DNAI3: variants seen among roughly 807,000 people sequenced by gnomAD.
The protein encoded by DNAI3 is dynein axonemal intermediate chain 3, also known as WD repeat domain 63.
DNAI3 carries 83 observed loss-of-function variants against 115.5 expected under a neutral mutation model. That is an observed-to-expected ratio of 0.72 (90% CI 0.60 to 0.86). The LOEUF is 0.86. Among genes scored for constraint, DNAI3 ranks in the 40% least tolerant of loss-of-function variants. DNAI3 has a pLI of 0.00. For missense variants in DNAI3, 1,004 were observed against 1,075.8 expected (o/e 0.93, Z 0.93); for synonymous variants, 320 against 347.0 (o/e 0.92, Z 0.86).
intron 22 of DNAI3, 196 bp downstream of exon 22, chr1:85,130,308 T>A: frequency 1.4e-6 from 1 of 733,128 alleles, no homozygotes; most frequent in Non-Finnish European, 2.1e-6. Context: ...TCTGTCCAAT[T>A]TAAGTTTCTG....
chr1:85,082,464 G>A, intron 5 of DNAI3, 60 bp downstream of exon 5: 4 of 1,353,114 alleles, frequency 3.0e-6, no homozygotes, highest in Non-Finnish European at 4.2e-6. Context: ...GGTTGTTTTT[G>A]AGATAGGCTC....
At chr1:85,132,711 G>T in intron 22 of DNAI3, 144 bp from the exon 23 acceptor site, 1 of 919,902 alleles carries the variant, frequency 1.1e-6, no homozygotes, top group Non-Finnish European at 1.6e-6. Context: ...CTGCCCACCT[G>T]CCCTCCTGCC....
intron 16 of DNAI3, among the ~76,000 whole-genome samples, chr1:85,111,010 T>C (rs2100600553): frequency 6.6e-6 from 1 of 152,350 alleles, no homozygotes; most frequent in African/African-American, 2.4e-5. Flanking sequence ...AAGGTATGCA[T>C]GAATATCCCA....
rs1655603803 is a variant in DNAI3, at chr1:85,110,008, G to C, written c.1699-40G>C. On this transcript the variant is annotated intron_variant, in intron 15 of 22. Coordinates refer to ENST00000294664, the MANE Select transcript of DNAI3 (RefSeq NM_145172.5). Reference sequence around the variant, plus strand: ...ATAAATTACCCAAGGATAATTTCAGGATATGTGGAAATAATCTTTGCTATA... The same window carrying C: ...ATAAATTACCCAAGGATAATTTCAGCATATGTGGAAATAATCTTTGCTATA... The C allele has an allele frequency of 1.9e-6, 3 of 1,573,528 alleles. No homozygotes were observed. In the East Asian group the frequency reaches 6.7e-5, roughly 35 times the overall value.
Position 85,132,977 on chromosome 1 carries a change from G to T in DNAI3, c.2655G>T (p.Gly885=), listed in dbSNP as rs771056432. 5 of 1,613,040 alleles carry T rather than the reference G, an allele frequency of 3.1e-6. No homozygotes were observed. In the African/African-American group the frequency reaches 6.7e-5, roughly 22 times the overall value. Residue 885 remains glycine, a synonymous_variant, in exon 23 of 23, where the codon GGG becomes GGT. Transcript: ENST00000294664. ...NLGLIKVTEK[G]SYMEVM ...GCCTAATCAAAGTCACAGAGAAGGG[G>T]TCATACATGGAGGTGATGTAAAAAA...
At chr1:85,127,582 C>T (rs1244964797) in intron 20 of DNAI3, among the ~76,000 whole-genome samples, 2 of 152,058 alleles carry the variant, frequency 1.3e-5, no homozygotes, top group African/African-American at 2.4e-5. Context: ...CAAAGGTGTA[C>T]AGCATGAAAT....
Position 85,082,340 on chromosome 1 carries a change from A to T in DNAI3, c.326A>T (p.Asp109Val), listed in dbSNP as rs748616259. 1 of 1,613,922 alleles carries T rather than the reference A, an allele frequency of 6.2e-7. No individual in the cohort carries two copies. The highest frequency in any genetic ancestry group is 1.1e-5 in the South Asian group (1 of 91,032). Residue 109 changes from aspartate to valine, a missense_variant, in exon 5 of 23, where the codon GAC becomes GTC. Asp to Val is a radical substitution (Grantham distance 152). Coordinates refer to ENST00000294664, the MANE Select transcript of DNAI3 (RefSeq NM_145172.5). The stretch of plus-strand genomic sequence containing the variant: ...GAGCTTCTGCTTGTTTATGACAAAG[A>T]CTTCAAATATGGACTTAACTTTTAT... The part of the protein sequence containing the change: ...GNELLLVYDK[D>V]FKYGLNFYLI...
intron 1 of DNAI3, among the ~76,000 whole-genome samples, chr1:85,069,672 G>A (rs912367575): frequency 3.9e-5 from 6 of 151,938 alleles, no homozygotes; most frequent in African/African-American, 9.7e-5. Context: ...AGCCATGAGC[G>A]TGCCACATAC....
At chr1:85,071,710 T>A (rs1189945303) in intron 1 of DNAI3, among the ~76,000 whole-genome samples, 1 of 152,206 alleles carries the variant, frequency 6.6e-6, no homozygotes, top group East Asian at 1.9e-4. Context: ...TTCAGCTAAA[T>A]GGCTCCACCA....
chr1:85,101,633 C>T (rs991242006), intron 13 of DNAI3, among the ~76,000 whole-genome samples: 1 of 134,278 alleles, frequency 7.4e-6, no homozygotes, highest in African/African-American at 2.8e-5. Flanking sequence ...GAGGCTGAGG[C>T]GGGAGAATGG....
intron 13 of DNAI3, among the ~76,000 whole-genome samples, chr1:85,101,504 C>A (rs1655310412): frequency 6.6e-6 from 1 of 151,952 alleles, no homozygotes; most frequent in African/African-American, 2.4e-5. Flanking sequence ...GCGGGCAGAT[C>A]ACGAGGTCAG....
intron 19 of DNAI3, among the ~76,000 whole-genome samples, chr1:85,126,120 T>G (rs922612179): frequency 6.6e-6 from 1 of 152,188 alleles, no homozygotes; most frequent in Non-Finnish European, 1.5e-5. Context: ...GCTGTTTCCA[T>G]GGGAAGCAGA....
At chr1:85,108,296 C>G in intron 15 of DNAI3, 119 bp downstream of exon 15, 3 of 1,119,172 alleles carry the variant, frequency 2.7e-6, no homozygotes, top group Non-Finnish European at 3.6e-6. Flanking sequence ...TAACACAAGA[C>G]TGTACAATTT....
chr1:85,089,255 A>G (rs1488912818), intron 7 of DNAI3, among the ~76,000 whole-genome samples: 1 of 151,778 alleles, frequency 6.6e-6, no homozygotes, highest in East Asian at 1.9e-4. Flanking sequence ...AAGGTTAGAT[A>G]ATTGGCTCAG....
intron 2 of DNAI3, among the ~76,000 whole-genome samples, chr1:85,072,292 G>T (rs1654297959): frequency 6.6e-6 from 1 of 152,196 alleles, no homozygotes; most frequent in Admixed American, 6.5e-5. Flanking sequence ...TCACAAGATA[G>T]TTTAAGTCTT....
chr1:85,128,002 G>A (rs1290350821), intron 20 of DNAI3, among the ~76,000 whole-genome samples: 1 of 151,738 alleles, frequency 6.6e-6, no homozygotes, highest in Admixed American at 6.6e-5. Context: ...CTATGTGCCT[G>A]TAGTCCCAGC....
intron 20 of DNAI3, among the ~76,000 whole-genome samples, chr1:85,126,995 G>GT (rs774995498): frequency 1.6e-4 from 24 of 152,070 alleles, no homozygotes; most frequent in Non-Finnish European, 3.2e-4. Flanking sequence ...TCTGAGACAC[G>GT]TGTCAGGCAG....
chr1:85,104,875 A>G (rs1449559907), intron 14 of DNAI3, among the ~76,000 whole-genome samples: 1 of 152,208 alleles, frequency 6.6e-6, no homozygotes. Context: ...AATTTGTAAT[A>G]TATGTTATTT....
chr1:85,115,051 G>C (rs1471809590), intron 16 of DNAI3, among the ~76,000 whole-genome samples: 1 of 152,206 alleles, frequency 6.6e-6, no homozygotes, highest in East Asian at 1.9e-4. Context: ...TGGCATAGCA[G>C]CTATGACGGT....
Sources: allele counts gnomAD v4.1 joint callset (sites outside exome capture counted in the v4.1 genomes callset), GRCh38; gene constraint gnomAD v4.1.1; transcripts MANE v1.5; gene names NCBI Gene and HGNC (gene_info 2026-07-23, HGNC 2026-07-21).